Variants in TRPM1 observed in about 807,000 individuals in gnomAD.
TRPM1 encodes TRPM1-203 APA Isoform, Intron 10.
Under a neutral mutation model 149.4 loss-of-function variants are expected in TRPM1, and 113 were observed. The ratio of observed to expected loss-of-function variants is 0.76; its 90% CI spans 0.65 to 0.88. The LOEUF (loss-of-function observed/expected upper bound fraction) is 0.88. Among genes scored for constraint, TRPM1 ranks in the 40% least tolerant of loss-of-function variants. The pLI, the probability that TRPM1 is intolerant of heterozygous loss-of-function variation, is 0.00. For missense variants in TRPM1, 1,976 were observed against 2,038.7 expected (o/e 0.97, Z 0.59); for synonymous variants, 741 against 759.5 (o/e 0.98, Z 0.40).
At chr15:31,052,374 A>C (rs2033969248) in intron 11 of TRPM1, among the ~76,000 whole-genome samples, 1 of 152,212 alleles carries the variant, frequency 6.6e-6, no homozygotes, top group Non-Finnish European at 1.5e-5. Context: ...TGCTGGGAAA[A>C]CTGGATATCC....
chr15:31,079,359 G>A (rs909952311), intron 2 of TRPM1, among the ~76,000 whole-genome samples: 2 of 152,204 alleles, frequency 1.3e-5, no homozygotes, highest in Admixed American at 6.5e-5. Context: ...AGCTATGGGT[G>A]GGGGCTGTGG....
intron 11 of TRPM1, among the ~76,000 whole-genome samples, chr15:31,053,284 C>A (rs1204485956): frequency 1.3e-5 from 2 of 152,030 alleles, no homozygotes; most frequent in African/African-American, 4.8e-5. Context: ...GAGTTTTGCT[C>A]TTGTTGCCCA....
rs768353041 is a variant in TRPM1, at chr15:31,047,123, A to G, written c.1752T>C (p.Phe584=). ...KNFRTLYNNL[F]GPKRPKALKL... ...CACTGAGTTCTACCCTCTTTGGTCC[A>G]AACAAGTTGTTGTAAAGGGTCCGAA... Residue 584 remains phenylalanine, a synonymous_variant, in exon 15 of 28, where the codon TTT becomes TTC. Transcript: ENST00000256552. The G allele has an allele frequency of 4.3e-6, 7 of 1,614,142 alleles. No individual in the cohort carries two copies. In the East Asian group the frequency reaches 1.3e-4, roughly 31 times the overall value.
rs114203796 is a variant in TRPM1 at position 31,007,882 on chromosome 15, T to G, written c.3630-4812A>C. ...CATCAGCACTTTGTAGTTTTCTGCA[T>G]ATAGATCCCATACGTATTTTACGAG... On this transcript the variant is annotated intron_variant, in intron 27 of 27. Coordinates refer to ENST00000256552, the MANE Select transcript of TRPM1 (RefSeq NM_001252024.2). 8.7e-3 allele frequency among the ~76,000 whole-genome samples: 1,320 copies of G among 152,372 alleles called. 17 individuals carry two copies. Among genetic ancestry groups the G allele is most frequent in the African/African-American group, 0.031 (1,288 of 41,588 alleles).
upstream of TRPM1, among the ~76,000 whole-genome samples, chr15:31,105,082 G>A (rs533198495): frequency 1.8e-3 from 273 of 152,304 alleles, 1 homozygote; most frequent in African/African-American, 6.3e-3. Context: ...TGTGACTAAT[G>A]CATTCCTTTT....
At chr15:31,069,141 T>G (rs1362880896) in intron 4 of TRPM1, among the ~76,000 whole-genome samples, 1 of 152,226 alleles carries the variant, frequency 6.6e-6, no homozygotes, top group East Asian at 1.9e-4. Context: ...TGTCCTGTAT[T>G]TTATCTGGCA....
At chr15:31,059,983 A>G (rs980047469) in intron 11 of TRPM1, among the ~76,000 whole-genome samples, 1 of 151,974 alleles carries the variant, frequency 6.6e-6, no homozygotes, top group African/African-American at 2.4e-5. Context: ...CATATCACAC[A>G]CACACAATAC....
intron 1 of TRPM1, among the ~76,000 whole-genome samples, chr15:31,147,621 G>T (rs1335958505): frequency 6.6e-6 from 1 of 152,216 alleles, no homozygotes; most frequent in Non-Finnish European, 1.5e-5. Context: ...CAGATTAGCT[G>T]CTCCTGCAGT....
chr15:31,093,576 A>T (rs986276406), intron 1 of TRPM1, among the ~76,000 whole-genome samples: 1 of 151,726 alleles, frequency 6.6e-6, no homozygotes, highest in African/African-American at 2.4e-5. Context: ...GCAATGGGCT[A>T]AATGGACAGA....
At chr15:31,056,902 T>A (rs2034100892) in intron 11 of TRPM1, among the ~76,000 whole-genome samples, 1 of 152,242 alleles carries the variant, frequency 6.6e-6, no homozygotes, top group Non-Finnish European at 1.5e-5. Flanking sequence ...TTACCCCATC[T>A]GTGGTATTCT....
At chr15:31,153,736 C>T (rs2036332861) in intron 1 of TRPM1, among the ~76,000 whole-genome samples, 1 of 152,190 alleles carries the variant, frequency 6.6e-6, no homozygotes. Flanking sequence ...TTCTGCTTTT[C>T]CAGGCTGAGC....
intron 22 of TRPM1, 111 bp from the exon 23 acceptor site, chr15:31,031,268 C>T (rs559405905): frequency 5.4e-5 from 64 of 1,174,490 alleles, no homozygotes; most frequent in African/African-American, 3.2e-4. Context: ...TTAATTAGGA[C>T]GAAGAAAGCC....
chr15:31,144,204 C>A (rs961621928), intron 1 of TRPM1, among the ~76,000 whole-genome samples: 4 of 152,122 alleles, frequency 2.6e-5, no homozygotes, highest in Non-Finnish European at 5.9e-5. Context: ...CTCTGGGAGG[C>A]CGAGATGAGC....
In TRPM1 at chr15:31,050,775, T is replaced by C. The variant is rs117668810; in HGVS notation, c.1264-193A>G. On this transcript the variant is annotated intron_variant, in intron 11 of 27. Transcript: ENST00000256552. ...ACAGGTGCACACGGACTCCATCCCA[T>C]ACACCTACATACTCAGTCGTCGCAG... Among the ~76,000 whole-genome samples the C allele has an allele frequency of 2.2e-4, 33 of 152,288 alleles. No homozygotes were observed. In the East Asian group the frequency reaches 6.4e-3, roughly 29 times the overall value.
At chr15:31,130,051 C>T (rs1019308305) in intron 1 of TRPM1, among the ~76,000 whole-genome samples, 4 of 152,186 alleles carry the variant, frequency 2.6e-5, no homozygotes, top group Non-Finnish European at 5.9e-5. Context: ...TCAGGGTGTT[C>T]CATACAGATC....
chr15:31,052,862 T>C (rs1309280975), intron 11 of TRPM1, among the ~76,000 whole-genome samples: 2 of 152,220 alleles, frequency 1.3e-5, no homozygotes, highest in African/African-American at 2.4e-5. Context: ...AATTCAATTC[T>C]TGAATATGAC....
intron 27 of TRPM1, among the ~76,000 whole-genome samples, chr15:31,004,086 T>C (rs1256939695): frequency 6.6e-6 from 1 of 152,246 alleles, no homozygotes; most frequent in Non-Finnish European, 1.5e-5. Context: ...TACTGTGTTC[T>C]GGCTGGTTCA....
intron 1 of TRPM1, among the ~76,000 whole-genome samples, chr15:31,114,379 A>G (rs560210622): frequency 6.4e-4 from 97 of 152,298 alleles, no homozygotes; most frequent in African/African-American, 2.3e-3. Flanking sequence ...CTAGTATTCC[A>G]TGGTGTATAT....
At chr15:31,004,616 C>T (rs1449950610) in intron 27 of TRPM1, among the ~76,000 whole-genome samples, 2 of 152,072 alleles carry the variant, frequency 1.3e-5, no homozygotes, top group East Asian at 1.9e-4. Flanking sequence ...GCTTCCTGGA[C>T]GTTTGCCACC....
Sources: allele counts gnomAD v4.1 joint callset (sites outside exome capture counted in the v4.1 genomes callset), GRCh38; gene constraint gnomAD v4.1.1; transcripts MANE v1.5; gene names NCBI Gene and HGNC (gene_info 2026-07-23, HGNC 2026-07-21).